The following PKHD1 variants were observed in gnomAD, a reference collection of about 807,000 sequenced individuals.
The protein encoded by PKHD1 is fibrocystin.
Under a neutral mutation model 412.0 loss-of-function variants are expected in PKHD1, and 291 were observed. That is an observed-to-expected ratio of 0.71 (90% CI 0.64 to 0.78). The LOEUF (loss-of-function observed/expected upper bound fraction) is 0.78, where lower values mean the gene tolerates loss of function less well. Ranked by LOEUF, PKHD1 falls within the 30% of genes least tolerant of loss-of-function variation. The pLI is 0.00. For synonymous variants in PKHD1, 1,777 were observed against 1,821.5 expected (o/e 0.98, Z 0.62); for missense variants, 4,825 against 4,950.7 (o/e 0.97, Z 0.76).
At chr6:52,014,960 A>C (rs561045140) in intron 34 of PKHD1, among the ~76,000 whole-genome samples, 1 of 152,194 alleles carries the variant, frequency 6.6e-6, no homozygotes, top group African/African-American at 2.4e-5. Flanking sequence ...ATAAAAACTC[A>C]ATGAAGAAAA....
At chr6:52,037,064 A>G (rs1334412760) in intron 27 of PKHD1, among the ~76,000 whole-genome samples, 2 of 152,198 alleles carry the variant, frequency 1.3e-5, no homozygotes, top group African/African-American at 4.8e-5. Context: ...GTAAAATAAA[A>G]TATAGTCCAG....
Position 52,069,364 on chromosome 6 carries a change from A to ATGGTCATC in PKHD1, c.778+85_778+92dup, listed in dbSNP as rs1810240861. The ATGGTCATC allele has an allele frequency of 5.6e-6, 5 of 885,482 alleles. No homozygotes were observed. The East Asian group carries it at 1.2e-4, about 21-fold the overall frequency. 54.9% of individuals were successfully genotyped at this position (885,482 alleles called of 1,614,324 possible). A position where few individuals can be genotyped will look rare whatever the true frequency, so the allele number is the denominator to read the frequency against. ...ATTGTAGGGACAGCTTCGGGTGTTA[A>ATGGTCATC]TGGTCATCAAGAAATGGCCAAAAGA... On this transcript the variant is annotated intron_variant, in intron 11 of 66. Transcript: ENST00000371117.
At chr6:51,936,792 C>T (rs998823845) in intron 36 of PKHD1, among the ~76,000 whole-genome samples, 1 of 74,368 alleles carries the variant, frequency 1.3e-5, no homozygotes, top group Non-Finnish European at 2.5e-5. Flanking sequence ...ACAAAATAGA[C>T]TCTGTAGCAA....
At chr6:51,818,830 T>G (rs1288705643) in intron 52 of PKHD1, among the ~76,000 whole-genome samples, 5 of 152,034 alleles carry the variant, frequency 3.3e-5, no homozygotes, top group Non-Finnish European at 4.4e-5. Flanking sequence ...AGCACATTGA[T>G]GGACCACCGA....
At chr6:52,082,774 C>T (rs1374583608) in intron 3 of PKHD1, among the ~76,000 whole-genome samples, 1 of 152,048 alleles carries the variant, frequency 6.6e-6, no homozygotes, top group Admixed American at 6.6e-5. Context: ...ATTTTTCAGC[C>T]CTCAGATTTA....
At chr6:52,026,862 C>G (rs963806984) in intron 31 of PKHD1, among the ~76,000 whole-genome samples, 4 of 152,162 alleles carry the variant, frequency 2.6e-5, no homozygotes, top group Non-Finnish European at 4.4e-5. Context: ...AGCAACATGA[C>G]CCACAGCATA....
intron 35 of PKHD1, among the ~76,000 whole-genome samples, chr6:51,968,180 T>C (rs1793119544): frequency 6.6e-6 from 1 of 152,178 alleles, no homozygotes; most frequent in African/African-American, 2.4e-5. Context: ...TAATTACTTC[T>C]AATGTTTGGG....
chr6:51,870,743 T>C (rs1387716991), intron 46 of PKHD1, 104 bp from the exon 47 acceptor site: 1 of 871,940 alleles, frequency 1.1e-6, no homozygotes, highest in Non-Finnish European at 1.8e-6. Flanking sequence ...AAGCGAGCTA[T>C]TGACTAAGAG....
rs1486210999 is a variant in PKHD1 at position 51,748,189 on chromosome 6, T to C, written c.9427A>G (p.Arg3143Gly). ...YKESGLDNCT[R>G]ISGFLAFKNF... ...TTGAAAGCCAAGAAGCCAGAGATTCTGGTACAGTTGTCAAGTCCACTTTCC... is the reference window on the plus strand; with the variant it reads ...TTGAAAGCCAAGAAGCCAGAGATTCCGGTACAGTTGTCAAGTCCACTTTCC... Residue 3143 changes from arginine (R) to glycine (G), a missense_variant, in exon 58 of 67, where the codon AGA becomes GGA. By Grantham distance (125) the Arg-to-Gly change is moderately radical. Transcript: ENST00000371117. 2 of 1,614,116 alleles carry C rather than the reference T, an allele frequency of 1.2e-6. No individual in the cohort carries two copies. The highest frequency in any genetic ancestry group is 1.1e-5 in the South Asian group (1 of 91,090).
Position 51,950,220 on chromosome 6 carries a change from A to AAAAAAAAAAAATATATAT in PKHD1, c.5908+9649_5908+9650insATATATATTTTTTTTTTT. On this transcript the variant is annotated intron_variant, in intron 36 of 66. Transcript: ENST00000371117. ...AATGGGCAATATAGAGAAAAAAAAA[A>AAAAAAAAAAAATATATAT]ATATATATATATATATATATGAAAT... Among the ~76,000 whole-genome samples the AAAAAAAAAAAATATATAT allele has an allele frequency of 2.3e-3, 224 of 98,214 alleles. 1 individual carries two copies. The highest frequency in any genetic ancestry group is 3.8e-3 in the East Asian group (7 of 1,850). The allele number at this position is 98,214 out of a possible 152,430, so 64.4% of individuals were successfully genotyped here. A position where few individuals can be genotyped will look rare whatever the true frequency, so the allele number is the denominator to read the frequency against.
intron 52 of PKHD1, among the ~76,000 whole-genome samples, chr6:51,821,621 T>C (rs1432988649): frequency 6.6e-6 from 1 of 152,240 alleles, no homozygotes; most frequent in East Asian, 1.9e-4. Context: ...ATCTCCTAAA[T>C]TTTAAAACAA....
At chr6:51,918,083 G>A (rs1784106521) in intron 37 of PKHD1, among the ~76,000 whole-genome samples, 1 of 152,066 alleles carries the variant, frequency 6.6e-6, no homozygotes, top group Non-Finnish European at 1.5e-5. Flanking sequence ...CAGACCTTTG[G>A]AGCAAATGAA....
chr6:51,742,663 T>G (rs1251585080), intron 60 of PKHD1, among the ~76,000 whole-genome samples: 1 of 152,134 alleles, frequency 6.6e-6, no homozygotes, highest in African/African-American at 2.4e-5. Context: ...AACCAAAATT[T>G]ATTGAGTAAC....
At chr6:51,781,158 G>A (rs1791936688) in intron 53 of PKHD1, among the ~76,000 whole-genome samples, 1 of 152,148 alleles carries the variant, frequency 6.6e-6, no homozygotes, top group Non-Finnish European at 1.5e-5. Flanking sequence ...ACCCAAGCTG[G>A]TAAATAGCAC....
Position 52,056,788 on chromosome 6 carries a change from T to C in PKHD1, c.1603A>G (p.Ile535Val), listed in dbSNP as rs1432488350. Residue 535 changes from isoleucine (I) to valine (V), a missense_variant and splice_region_variant, in exon 18 of 67, where the codon ATT (isoleucine) becomes GTT (valine). Ile to Val is a conservative substitution (Grantham distance 29). Transcript: ENST00000371117. The part of the protein sequence containing the change: ...PIPANATAHL[I>V]QTTIEELLAV... ...AGTAACTCCTCAATGGTTGTTTGAA[T>C]CTATTACAAAGGAAAAAAATGCCAG... The C allele has an allele frequency of 1.2e-6, 2 of 1,611,688 alleles. No homozygotes were observed. The highest frequency in any genetic ancestry group is 8.5e-7 in the Non-Finnish European group (1 of 1,177,806).
intron 61 of PKHD1, among the ~76,000 whole-genome samples, chr6:51,655,414 G>A (rs1331169707): frequency 6.6e-6 from 1 of 152,034 alleles, no homozygotes; most frequent in Non-Finnish European, 1.5e-5. Context: ...CAACCTGATA[G>A]GGTGCTCCTT....
intron 54 of PKHD1, 116 bp from the exon 55 acceptor site, chr6:51,772,905 A>G (rs1562278652): frequency 1.8e-5 from 13 of 722,492 alleles, no homozygotes; most frequent in Non-Finnish European, 3.3e-5. Flanking sequence ...GAATCTCTAT[A>G]TGAAGGTCCC....
chr6:51,635,708 G>C (rs1768440949), intron 64 of PKHD1, among the ~76,000 whole-genome samples: 1 of 151,812 alleles, frequency 6.6e-6, no homozygotes, highest in Non-Finnish European at 1.5e-5. Flanking sequence ...TAGACTGAGT[G>C]ATCCAAAAGA....
At chr6:51,852,737 T>TC (rs879921858) in intron 49 of PKHD1, among the ~76,000 whole-genome samples, 65 of 152,078 alleles carry the variant, frequency 4.3e-4, no homozygotes, top group Non-Finnish European at 7.8e-4. Flanking sequence ...ACCCTGTTTT[T>TC]TTTTTTTTCT....
Sources: gnomAD v4.1 joint callset for allele counts (sites outside exome capture counted in the v4.1 genomes callset) on GRCh38, gnomAD v4.1.1 for gene constraint, MANE v1.5 for transcripts, NCBI Gene and HGNC (gene_info 2026-07-23, HGNC 2026-07-21) for gene names.